The following TMCO5A variants were observed in gnomAD, a reference collection of about 807,000 sequenced individuals.
TMCO5A encodes transmembrane and coiled-coil domain-containing protein 5A.
Under a neutral mutation model 42.3 loss-of-function variants are expected in TMCO5A, and 34 were observed. The observed-to-expected ratio is 0.80, with a 90% CI of 0.61 to 1.07. The LOEUF (loss-of-function observed/expected upper bound fraction) is 1.07, where lower values mean the gene tolerates loss of function less well. Ranked by LOEUF, TMCO5A falls within the 50% of genes least tolerant of loss-of-function variation. The pLI is 0.00. For synonymous variants in TMCO5A, 131 were observed against 115.6 expected, an observed-to-expected ratio of 1.13 and a Z score of -0.86; for missense variants, 357 against 327.9, an observed-to-expected ratio of 1.09 and a Z score of -0.69.
the TMCO5A span, among the ~76,000 whole-genome samples, chr15:38,010,307 C>T: frequency 2.8e-5 from 4 of 140,958 alleles, no homozygotes; most frequent in South Asian, 4.8e-4. Flanking sequence ...ATCTGGGAGG[C>T]GGAGCTTGGG....
intron 11 of TMCO5A, among the ~76,000 whole-genome samples, chr15:37,948,902 T>A (rs747658464): frequency 6.6e-6 from 1 of 152,014 alleles, no homozygotes; most frequent in Non-Finnish European, 1.5e-5. Flanking sequence ...GATTCTAATT[T>A]TGACCAAGGT....
chr15:38,016,674 TATATA>T, the TMCO5A span, among the ~76,000 whole-genome samples: 1 of 152,096 alleles, frequency 6.6e-6, no homozygotes, highest in Non-Finnish European at 1.5e-5. Flanking sequence ...AAAGGAAAGG[TATATA>T]ATAAGGCCTA....
Position 37,941,143 on chromosome 15 carries a change from C to A in TMCO5A, c.388-6C>A. ...CCAAGTTAGCAGTCTCTTTTGCTTT[C>A]TTTAGGTTAAGTTACAACAGCTGGA... On this transcript the variant is annotated splice_polypyrimidine_tract_variant and splice_region_variant and intron_variant, in intron 6 of 11. Coordinates refer to ENST00000319669, the MANE Select transcript of TMCO5A (RefSeq NM_152453.4). 2 of 1,613,038 alleles carry A rather than the reference C, an allele frequency of 1.2e-6. No homozygotes were observed. Among genetic ancestry groups the A allele is most frequent in the Non-Finnish European group, 1.7e-6 (2 of 1,179,456 alleles).
At chr15:38,000,174 T>C in the TMCO5A span, among the ~76,000 whole-genome samples, 1 of 152,244 alleles carries the variant, frequency 6.6e-6, no homozygotes, top group Non-Finnish European at 1.5e-5. Context: ...TAGAAGACTT[T>C]TGATTATGGC....
chr15:37,952,586 G>A (rs1313102835), downstream of TMCO5A, among the ~76,000 whole-genome samples: 1 of 152,216 alleles, frequency 6.6e-6, no homozygotes, highest in African/African-American at 2.4e-5. Flanking sequence ...ACTATGTGGA[G>A]GGCTTTAGGT....
intron 10 of TMCO5A, among the ~76,000 whole-genome samples, chr15:37,946,535 C>T (rs1889965300): frequency 6.6e-6 from 1 of 152,132 alleles, no homozygotes; most frequent in Admixed American, 6.6e-5. Context: ...TCTCTGATTT[C>T]TTTCAGCGAT....
the TMCO5A span, chr15:37,984,732 G>A: frequency 3.9e-5 from 4 of 102,308 alleles, no homozygotes; most frequent in South Asian, 1.4e-3. Flanking sequence ...CTTCCACCTT[G>A]TGAGGACACA....
the TMCO5A span, among the ~76,000 whole-genome samples, chr15:37,993,906 CT>C: frequency 3.9e-5 from 6 of 152,174 alleles, no homozygotes; most frequent in Non-Finnish European, 8.8e-5. Flanking sequence ...GTCATCCAAA[CT>C]TTCCCCTGGA....
In TMCO5A at chr15:37,942,235, T is replaced by A. The variant is rs1889773100; in HGVS notation, c.549T>A (p.Ala183=). 7 of 1,612,986 alleles carry A rather than the reference T, an allele frequency of 4.3e-6. No individual in the cohort carries two copies. The highest frequency in any genetic ancestry group is 5.9e-6 in the Non-Finnish European group (7 of 1,179,254). ...TLKKIEEELE[A]LFLEREVSKL... is the part of the protein sequence containing the mutation. ...AGAAAATAGAAGAAGAACTAGAGGC[T>A]CTGTTCCTTGAGAGAGAAGTGTGAG... The change falls in exon 9 of 12, where the codon GCT becomes GCA. Residue 183 remains alanine, a synonymous_variant. Transcript: ENST00000319669.
chr15:38,025,333 C>T, the TMCO5A span, among the ~76,000 whole-genome samples: 1 of 152,066 alleles, frequency 6.6e-6, no homozygotes, highest in Non-Finnish European at 1.5e-5. Flanking sequence ...TCTTTTTCAT[C>T]AGTGCCCATT....
intron 10 of TMCO5A, among the ~76,000 whole-genome samples, chr15:37,946,887 A>G (rs1046674651): frequency 6.6e-6 from 1 of 152,092 alleles, no homozygotes; most frequent in Admixed American, 6.6e-5. Context: ...TTCCAATGCT[A>G]TGTTGAATAG....
the TMCO5A span, among the ~76,000 whole-genome samples, chr15:37,985,591 T>C: frequency 6.6e-6 from 1 of 152,176 alleles, no homozygotes; most frequent in African/African-American, 2.4e-5. Flanking sequence ...TTTTAGAAAA[T>C]AATCAGTTAA....
At chr15:38,030,113 T>G in the TMCO5A span, among the ~76,000 whole-genome samples, 7 of 152,198 alleles carry the variant, frequency 4.6e-5, no homozygotes, top group South Asian at 4.1e-4. Flanking sequence ...ATAGGCTCCC[T>G]TCTTTCCAGC....
intron 8 of TMCO5A, 91 bp from the exon 9 acceptor site, chr15:37,942,100 T>C (rs72723044): frequency 0.13 from 152,136 of 1,183,786 alleles, 10,155 homozygotes; most frequent in Admixed American, 0.17. Flanking sequence ...CAAGCATTCA[T>C]GGTATCATGT....
intron 10 of TMCO5A, among the ~76,000 whole-genome samples, chr15:37,944,604 A>T (rs1161731474): frequency 6.6e-6 from 1 of 151,698 alleles, no homozygotes; most frequent in Non-Finnish European, 1.5e-5. Context: ...CACAGCTCTA[A>T]TTTTTTTTAG....
intron 10 of TMCO5A, 77 bp downstream of exon 10, chr15:37,943,475 C>T (rs1889826273): frequency 2.1e-6 from 3 of 1,405,702 alleles, no homozygotes; most frequent in Non-Finnish European, 3.0e-6. Context: ...CTATAAGGCA[C>T]CAAATATATA....
At chr15:37,937,499 G>T in intron 5 of TMCO5A, 103 bp downstream of exon 5, 1 of 1,260,192 alleles carries the variant, frequency 7.9e-7, no homozygotes, top group Admixed American at 1.8e-5. Flanking sequence ...ATAAGTCAGA[G>T]AGGCCTGTAT....
In TMCO5A at chr15:37,941,901, G is replaced by C. The variant is rs113980479; in HGVS notation, c.504+171G>C. ...CCTCACTATCAATATCACTCTATTT[G>C]TCTTTGTCTCCCTGGGAATTCCTGC... On this transcript the variant is annotated intron_variant, in intron 8 of 11. Transcript: ENST00000319669. Among the ~76,000 whole-genome samples, 976 of 152,176 alleles carry C rather than the reference G, an allele frequency of 6.4e-3. 10 individuals carry two copies. Among genetic ancestry groups the C allele is most frequent in the African/African-American group, 0.022 (917 of 41,540 alleles).
At chr15:38,017,094 G>T in the TMCO5A span, among the ~76,000 whole-genome samples, 1 of 151,874 alleles carries the variant, frequency 6.6e-6, no homozygotes, top group South Asian at 2.1e-4. Context: ...TCTTTGCATT[G>T]CTTCCACTAA....
Sources: allele counts gnomAD v4.1 joint callset (sites outside exome capture counted in the v4.1 genomes callset), GRCh38; gene constraint gnomAD v4.1.1; transcripts MANE v1.5; gene names NCBI Gene and HGNC (gene_info 2026-07-23, HGNC 2026-07-21).